The following MYO16 variants were observed in gnomAD, a reference collection of about 807,000 sequenced individuals.
MYO16 encodes the protein myosin XVI.
A neutral mutation model predicts 205.3 loss-of-function variants in MYO16; 94 were observed. The observed-to-expected ratio is 0.46, with a 90% CI of 0.39 to 0.54. The LOEUF is 0.54. Ranked by LOEUF, MYO16 falls within the 20% of genes least tolerant of loss-of-function variation. MYO16 has a pLI of 0.00. For synonymous variants in MYO16, 988 were observed against 954.0 expected (o/e 1.04, Z -0.66); for missense variants, 2,315 against 2,387.5 (o/e 0.97, Z 0.63).
rs148399116 is a variant in MYO16, at chr13:108,816,963, G to T, written c.868-3374G>T. 5.0e-3 allele frequency among the ~76,000 whole-genome samples: 768 copies of T among 152,294 alleles called. 5 individuals are homozygous for T. Among genetic ancestry groups the T allele is most frequent in the African/African-American group, 0.017 (723 of 41,558 alleles). On this transcript the variant is annotated intron_variant, in intron 7 of 34. Transcript: ENST00000457511. ...AAAGATGGTCATTAAGCACATGAAA[G>T]TGTTCAATGTCACTAGTCATCAGGG...
chr13:109,132,985 G>A (rs1346798486), intron 31 of MYO16, among the ~76,000 whole-genome samples: 2 of 152,198 alleles, frequency 1.3e-5, no homozygotes, highest in Non-Finnish European at 2.9e-5. Context: ...AAAGGCTCAG[G>A]AAGGGCATGC....
the MYO16 span, among the ~76,000 whole-genome samples, chr13:108,572,922 T>G: frequency 1.3e-5 from 2 of 152,208 alleles, no homozygotes; most frequent in Non-Finnish European, 2.9e-5. Context: ...GCATGAGGAC[T>G]GTGGGTGTCC....
chr13:108,774,207 A>G (rs1594283392), intron 4 of MYO16, among the ~76,000 whole-genome samples: 3 of 152,380 alleles, frequency 2.0e-5, no homozygotes, highest in East Asian at 3.9e-4. Flanking sequence ...TTAAATTGTT[A>G]TATAACATAA....
At chr13:108,791,222 G>A (rs964811556) in intron 5 of MYO16, among the ~76,000 whole-genome samples, 6 of 152,130 alleles carry the variant, frequency 3.9e-5, no homozygotes, top group Admixed American at 6.5e-5. Flanking sequence ...GAATGGTCAC[G>A]GGTGTTTCTA....
intron 11 of MYO16, among the ~76,000 whole-genome samples, chr13:108,860,562 T>C (rs1878404080): frequency 6.6e-6 from 1 of 152,166 alleles, no homozygotes; most frequent in Admixed American, 6.5e-5. Context: ...TAATTCTGCT[T>C]TTAGCTCTTT....
chr13:108,852,810 A>G (rs1301942409), intron 10 of MYO16, among the ~76,000 whole-genome samples: 2 of 152,102 alleles, frequency 1.3e-5, no homozygotes, highest in African/African-American at 2.4e-5. Flanking sequence ...AATTCCCTCA[A>G]CCACTTTATG....
At chr13:108,715,245 C>A (rs1883897009) in intron 3 of MYO16, among the ~76,000 whole-genome samples, 1 of 152,172 alleles carries the variant, frequency 6.6e-6, no homozygotes, top group South Asian at 2.1e-4. Context: ...CCAGCACATG[C>A]CTCTCAGATG....
At chr13:108,767,080 G>A (rs1885800010) in intron 4 of MYO16, among the ~76,000 whole-genome samples, 1 of 150,252 alleles carries the variant, frequency 6.7e-6, no homozygotes, top group African/African-American at 2.5e-5. Flanking sequence ...GTTGTATCTG[G>A]GTTTTTGTTT....
the MYO16 span, among the ~76,000 whole-genome samples, chr13:108,560,257 CAG>C: frequency 6.6e-6 from 1 of 152,190 alleles, no homozygotes; most frequent in South Asian, 2.1e-4. Context: ...GGGACTTGAG[CAG>C]CAGAGCTTCG....
At chr13:109,024,087 CAT>C (rs1886277457) in intron 23 of MYO16, among the ~76,000 whole-genome samples, 2 of 145,266 alleles carry the variant, frequency 1.4e-5, no homozygotes, top group Admixed American at 1.4e-4. Context: ...AATTTATATA[CAT>C]AAACTATAAA....
At chr13:108,884,109 A>C (rs1252810559) in intron 13 of MYO16, among the ~76,000 whole-genome samples, 2 of 152,230 alleles carry the variant, frequency 1.3e-5, no homozygotes, top group African/African-American at 2.4e-5. Flanking sequence ...TGTTGTCAGT[A>C]GTGCTGGTTG....
intron 25 of MYO16, 62 bp from the exon 26 acceptor site, chr13:109,054,981 CCTT>C (rs1304801250): frequency 9.5e-7 from 1 of 1,050,180 alleles, no homozygotes; most frequent in Non-Finnish European, 1.4e-6. Context: ...TCCTTTTCCT[CCTT>C]CTTCCTTTCC....
intron 15 of MYO16, among the ~76,000 whole-genome samples, chr13:108,906,575 T>C (rs1408552660): frequency 6.6e-6 from 1 of 152,210 alleles, no homozygotes; most frequent in Non-Finnish European, 1.5e-5. Context: ...TGAAATGCTT[T>C]AGTTGATCTT....
chr13:109,097,270 G>A (rs963382243), intron 27 of MYO16, among the ~76,000 whole-genome samples: 12 of 151,934 alleles, frequency 7.9e-5, no homozygotes, highest in South Asian at 2.1e-4. Flanking sequence ...CAGAGGTTGC[G>A]GTCAGCCGAG....
intron 33 of MYO16, among the ~76,000 whole-genome samples, chr13:109,172,779 C>T (rs1351353912): frequency 6.6e-6 from 1 of 152,170 alleles, no homozygotes. Context: ...TGTTTTAGAG[C>T]TAGAAGAGTC....
At chr13:108,811,105 CA>C (rs1311909706) in intron 7 of MYO16, among the ~76,000 whole-genome samples, 1 of 152,060 alleles carries the variant, frequency 6.6e-6, no homozygotes, top group Non-Finnish European at 1.5e-5. Context: ...ATACTACACC[CA>C]AAGATAAAAA....
the MYO16 span, among the ~76,000 whole-genome samples, chr13:108,533,965 A>G: frequency 2.0e-5 from 3 of 152,066 alleles, no homozygotes; most frequent in Non-Finnish European, 2.9e-5. Flanking sequence ...TTAGTTTTGC[A>G]TAGTTGTGAA....
At position 108,644,350 on chromosome 13, in the gene MYO16, A is replaced by ATCTGTCTGTCTGTCTGTCTG. The variant is rs556879468; in HGVS notation, c.28+14493_28+14494insGTCTGTCTGTCTGTCTGTCT. 3.6e-5 allele frequency among the ~76,000 whole-genome samples: 5 copies of ATCTGTCTGTCTGTCTGTCTG among 138,702 alleles called. No individual in the cohort carries two copies. In the South Asian group the frequency reaches 9.6e-4, roughly 27 times the overall value. 91.0% of individuals were successfully genotyped at this position (138,702 alleles called of 152,430 possible). ...GGTTGGAGCATTTATTCTACCATCT[A>ATCTGTCTGTCTGTCTGTCTG]TCTGTCTGTCTGTCTATCTATCTAT... On this transcript the variant is annotated intron_variant, in intron 1 of 34. Coordinates refer to ENST00000457511, the MANE Select transcript of MYO16 (RefSeq NM_001198950.3).
intron 13 of MYO16, among the ~76,000 whole-genome samples, chr13:108,887,795 C>T (rs9559437): frequency 0.59 from 90,017 of 151,970 alleles, 26,831 homozygotes; most frequent in Non-Finnish European, 0.62. Flanking sequence ...TGTAGCTAGG[C>T]ACTTTATGTT....
Sources: allele counts gnomAD v4.1 joint callset (sites outside exome capture counted in the v4.1 genomes callset), GRCh38; gene constraint gnomAD v4.1.1; transcripts MANE v1.5; gene names NCBI Gene and HGNC (gene_info 2026-07-23, HGNC 2026-07-21).